The following HHAT variants were observed in gnomAD, a reference collection of about 807,000 sequenced individuals.
HHAT encodes protein-cysteine N-palmitoyltransferase HHAT.
A neutral mutation model predicts 70.8 loss-of-function variants in HHAT; 47 were observed. The ratio of observed to expected loss-of-function variants is 0.66; its 90% CI spans 0.53 to 0.85. The LOEUF is 0.85. Among genes scored for constraint, HHAT ranks in the 40% least tolerant of loss-of-function variants. The pLI, the probability that HHAT is intolerant of heterozygous loss-of-function variation, is 0.00. For missense variants in HHAT, 609 were observed against 604.8 expected, an observed-to-expected ratio of 1.01 and a Z score of -0.07; for synonymous variants, 228 against 247.6, an observed-to-expected ratio of 0.92 and a Z score of 0.74.
At chr1:210,477,318 T>C (rs1186175555) in intron 8 of HHAT, among the ~76,000 whole-genome samples, 1 of 152,196 alleles carries the variant, frequency 6.6e-6, no homozygotes, top group Admixed American at 6.5e-5. Context: ...TCCAATTAGT[T>C]TTCCTGTATA....
At chr1:210,635,032 G>A (rs1281121980) in intron 11 of HHAT, among the ~76,000 whole-genome samples, 1 of 152,146 alleles carries the variant, frequency 6.6e-6, no homozygotes, top group Non-Finnish European at 1.5e-5. Context: ...AAGGTGAATG[G>A]CTCAGGGATG....
intron 9 of HHAT, among the ~76,000 whole-genome samples, chr1:210,546,035 C>G (rs2095480458): frequency 6.6e-6 from 1 of 152,210 alleles, no homozygotes; most frequent in African/African-American, 2.4e-5. Context: ...TTTCATACTA[C>G]AGCTTTTTTC....
chr1:210,352,862 T>C (rs190861015), intron 2 of HHAT, among the ~76,000 whole-genome samples: 2 of 152,236 alleles, frequency 1.3e-5, no homozygotes, highest in East Asian at 1.9e-4. Flanking sequence ...GTACTGTGGC[T>C]AATCCACAGC....
chr1:210,397,631 T>G lies in HHAT; in HGVS notation c.274-2837T>G, dbSNP rs1572146868. ...GAAGCTTAATACTGATAGTTAAGCA[T>G]TTTTACTTAAGAGAGAAAAAAGGTT... On this transcript the variant is annotated intron_variant, in intron 4 of 11. Coordinates refer to ENST00000261458, the MANE Select transcript of HHAT (RefSeq NM_018194.6). 2.0e-5 allele frequency among the ~76,000 whole-genome samples: 3 copies of G among 152,130 alleles called. No individual in the cohort carries two copies. In the South Asian group the frequency reaches 6.2e-4, roughly 32 times the overall value.
At chr1:210,350,303 C>T (rs2086900399) in intron 2 of HHAT, among the ~76,000 whole-genome samples, 1 of 152,150 alleles carries the variant, frequency 6.6e-6, no homozygotes, top group Non-Finnish European at 1.5e-5. Flanking sequence ...GTGGTACATT[C>T]GGACAATGGA....
At chr1:210,535,775 G>C (rs2148647639) in intron 9 of HHAT, among the ~76,000 whole-genome samples, 1 of 152,248 alleles carries the variant, frequency 6.6e-6, no homozygotes, top group Admixed American at 6.5e-5. Context: ...GGAAGACTCT[G>C]TGAATAGCAC....
chr1:210,632,775 C>T (rs191332252), intron 11 of HHAT, among the ~76,000 whole-genome samples: 86 of 152,268 alleles, frequency 5.6e-4, no homozygotes, highest in African/African-American at 1.9e-3. Context: ...CTTCCTATAT[C>T]AATAAGTTAA....
rs192099429 is a variant in HHAT at position 210,486,422 on chromosome 1, T to C, written c.1007+21767T>C. Reference sequence around the variant, plus strand: ...TCATTCTGAAGGATTGTTCTTGAGCTGCTGAAAGTGCTATTCACATTATTA... The same window carrying C: ...TCATTCTGAAGGATTGTTCTTGAGCCGCTGAAAGTGCTATTCACATTATTA... On this transcript the variant is annotated intron_variant, in intron 8 of 11. Coordinates refer to ENST00000261458, the MANE Select transcript of HHAT (RefSeq NM_018194.6). 3.9e-5 allele frequency among the ~76,000 whole-genome samples: 6 copies of C among 152,334 alleles called. No homozygotes were observed. The East Asian group carries it at 1.2e-3, about 29-fold the overall frequency.
chr1:210,648,720 C>T (rs1674559070), intron 11 of HHAT, among the ~76,000 whole-genome samples: 1 of 152,184 alleles, frequency 6.6e-6, no homozygotes, highest in Non-Finnish European at 1.5e-5. Flanking sequence ...ACTGTTTTCC[C>T]CCAGGTGAAG....
intron 11 of HHAT, among the ~76,000 whole-genome samples, chr1:210,645,487 C>A (rs1182326437): frequency 6.6e-6 from 1 of 152,116 alleles, no homozygotes; most frequent in Non-Finnish European, 1.5e-5. Context: ...ACCATGTTAG[C>A]CAGGAAGGTA....
chr1:210,384,163 C>T (rs1268841926), intron 3 of HHAT, among the ~76,000 whole-genome samples: 7 of 152,214 alleles, frequency 4.6e-5, no homozygotes, highest in Non-Finnish European at 2.9e-5. Context: ...CCAGAACAAT[C>T]ATGTCTCTCA....
At chr1:210,563,979 A>C (rs974171245) in intron 9 of HHAT, among the ~76,000 whole-genome samples, 1 of 152,108 alleles carries the variant, frequency 6.6e-6, no homozygotes, top group African/African-American at 2.4e-5. Flanking sequence ...TTTGAGATGG[A>C]GTCTCATTCT....
chr1:210,419,217 A>G (rs1204968693), intron 7 of HHAT, among the ~76,000 whole-genome samples: 1 of 152,118 alleles, frequency 6.6e-6, no homozygotes, highest in Non-Finnish European at 1.5e-5. Flanking sequence ...TTGAGGGTGT[A>G]CCTTGTACAC....
chr1:210,584,958 G>T (rs924868476), intron 9 of HHAT, among the ~76,000 whole-genome samples: 5 of 152,216 alleles, frequency 3.3e-5, no homozygotes, highest in Admixed American at 3.3e-4. Flanking sequence ...TGTAGTGAGT[G>T]CTTGATGCCT....
intron 9 of HHAT, among the ~76,000 whole-genome samples, chr1:210,539,016 A>G (rs532236643): frequency 1.1e-4 from 16 of 152,302 alleles, no homozygotes; most frequent in Middle Eastern, 3.4e-3. Context: ...GGCAGAGGCT[A>G]TAGTGAGCCA....
At chr1:210,487,183 A>C (rs746198344) in intron 8 of HHAT, among the ~76,000 whole-genome samples, 7 of 152,208 alleles carry the variant, frequency 4.6e-5, no homozygotes, top group Non-Finnish European at 7.3e-5. Context: ...CTCAGACAGC[A>C]GAGCAGTAGA....
At chr1:210,506,951 A>T (rs760395131) in intron 8 of HHAT, among the ~76,000 whole-genome samples, 3 of 152,116 alleles carry the variant, frequency 2.0e-5, no homozygotes, top group Non-Finnish European at 4.4e-5. Context: ...ATTATTGTTG[A>T]CTTTGCCATC....
chr1:210,525,275 C>T (rs1375314783), intron 9 of HHAT, among the ~76,000 whole-genome samples: 1 of 152,074 alleles, frequency 6.6e-6, no homozygotes, highest in Non-Finnish European at 1.5e-5. Flanking sequence ...CTGGGGCTGC[C>T]AGTGAAATCT....
At chr1:210,434,482 G>T (rs577364321) in intron 7 of HHAT, among the ~76,000 whole-genome samples, 1 of 151,946 alleles carries the variant, frequency 6.6e-6, no homozygotes, top group East Asian at 1.9e-4. Context: ...TTAAGTTTAA[G>T]CAAGGAAATG....
Sources: gnomAD v4.1 joint callset for allele counts (sites outside exome capture counted in the v4.1 genomes callset) on GRCh38, gnomAD v4.1.1 for gene constraint, MANE v1.5 for transcripts, NCBI Gene and HGNC (gene_info 2026-07-23, HGNC 2026-07-21) for gene names.